Variants in STK3 observed in about 807,000 individuals in gnomAD.
STK3 encodes the protein serine/threonine-protein kinase 3.
A neutral mutation model predicts 58.0 loss-of-function variants in STK3; 41 were observed. That is an observed-to-expected ratio of 0.71 (90% CI 0.55 to 0.92). The LOEUF is 0.92. Among genes scored for constraint, STK3 ranks in the 40% least tolerant of loss-of-function variants. The pLI is 0.00. For missense variants in STK3, 479 were observed against 602.7 expected, an observed-to-expected ratio of 0.79 and a Z score of 2.15; for synonymous variants, 170 against 191.0, an observed-to-expected ratio of 0.89 and a Z score of 0.91.
chr8:98,887,980 A>T (rs1435378489), intron 1 of STK3, among the ~76,000 whole-genome samples: 1 of 152,182 alleles, frequency 6.6e-6, no homozygotes, highest in African/African-American at 2.4e-5. Flanking sequence ...GCTGGGGGGA[A>T]GCAGAGGGAT....
intron 6 of STK3, among the ~76,000 whole-genome samples, chr8:98,653,147 G>A (rs1821111171): frequency 6.6e-6 from 1 of 152,180 alleles, no homozygotes; most frequent in Non-Finnish European, 1.5e-5. Context: ...AGACCACAGT[G>A]CAATCAAACT....
chr8:98,493,888 T>A (rs138444677), intron 10 of STK3, among the ~76,000 whole-genome samples: 1 of 152,246 alleles, frequency 6.6e-6, no homozygotes, highest in Non-Finnish European at 1.5e-5. Context: ...TCAGGTAATC[T>A]GGGACTTATC....
intron 1 of STK3, among the ~76,000 whole-genome samples, chr8:98,775,799 TGAA>T (rs1831636981): frequency 6.6e-6 from 1 of 152,194 alleles, no homozygotes; most frequent in Middle Eastern, 3.4e-3. Context: ...GAAAACCAAA[TGAA>T]GATCTCAAAT....
At chr8:98,902,086 C>T (rs934358737) in intron 1 of STK3, among the ~76,000 whole-genome samples, 102 of 152,248 alleles carry the variant, frequency 6.7e-4, no homozygotes, top group African/African-American at 2.3e-3. Context: ...CATCCTCTCC[C>T]GCGCTTTCTT....
intron 10 of STK3, among the ~76,000 whole-genome samples, chr8:98,465,265 G>A (rs1271118570): frequency 6.6e-6 from 1 of 152,100 alleles, no homozygotes; most frequent in Non-Finnish European, 1.5e-5. Context: ...TGCTTATGTA[G>A]GCCCTCAAAG....
At chr8:98,529,174 T>C (rs1304613686) in intron 9 of STK3, among the ~76,000 whole-genome samples, 2 of 152,224 alleles carry the variant, frequency 1.3e-5, no homozygotes, top group African/African-American at 2.4e-5. Context: ...AAAGAAAGCA[T>C]GTTAAGACTT....
chr8:98,700,980 G>A (rs1301167997), intron 6 of STK3, among the ~76,000 whole-genome samples: 1 of 152,194 alleles, frequency 6.6e-6, no homozygotes, highest in Non-Finnish European at 1.5e-5. Flanking sequence ...TCCAGCCTGG[G>A]TGACACAGCG....
At chr8:98,431,507 C>G (rs1384625895) in intron 3 of STK3, 2 of 167,102 alleles carry the variant, frequency 1.2e-5, no homozygotes, top group East Asian at 3.8e-4. Context: ...TCATCCCCAG[C>G]TGCACTGAAG....
At chr8:98,846,498 A>G (rs1010525745) in intron 3 of STK3, among the ~76,000 whole-genome samples, 5 of 152,208 alleles carry the variant, frequency 3.3e-5, no homozygotes, top group Non-Finnish European at 5.9e-5. Context: ...GCCGCAGTGA[A>G]CAAAACATAC....
chr8:98,900,697 T>C (rs1838624343), intron 1 of STK3, among the ~76,000 whole-genome samples: 2 of 151,634 alleles, frequency 1.3e-5, no homozygotes, highest in African/African-American at 2.4e-5. Flanking sequence ...GGTCTTGCTC[T>C]GTCACCCAGG....
chr8:98,797,872 T>C (rs1333352761), intron 1 of STK3, among the ~76,000 whole-genome samples: 1 of 152,164 alleles, frequency 6.6e-6, no homozygotes, highest in Non-Finnish European at 1.5e-5. Context: ...TTAAAGATAT[T>C]AGCAAAAGAA....
intron 10 of STK3, among the ~76,000 whole-genome samples, chr8:98,522,957 G>T (rs1825474729): frequency 6.6e-6 from 1 of 152,032 alleles, no homozygotes; most frequent in African/African-American, 2.4e-5. Flanking sequence ...ATGGACACTT[G>T]GGTTGCTTCT....
chr8:98,781,881 C>T (rs1691086092), intron 1 of STK3, among the ~76,000 whole-genome samples: 1 of 151,696 alleles, frequency 6.6e-6, no homozygotes, highest in Non-Finnish European at 1.5e-5. Context: ...GACCCAGAAA[C>T]GAGGTGGTGA....
chr8:98,838,074 C>CAAAAAAAA (rs58973724), intron 3 of STK3, among the ~76,000 whole-genome samples: 435 of 58,730 alleles, frequency 7.4e-3, no homozygotes, highest in African/African-American at 0.013. Flanking sequence ...ACTAAAAATA[C>CAAAAAAAA]AAAAAAAAAA....
intron 6 of STK3, among the ~76,000 whole-genome samples, chr8:98,675,474 G>A (rs1473922803): frequency 1.3e-5 from 2 of 152,110 alleles, no homozygotes; most frequent in African/African-American, 4.8e-5. Context: ...GCTGAGCTAT[G>A]GAAAAACAGT....
the STK3 span, among the ~76,000 whole-genome samples, chr8:98,362,378 C>T: frequency 2.0e-4 from 30 of 152,182 alleles, no homozygotes; most frequent in South Asian, 1.5e-3. Context: ...TGGGTGCTGG[C>T]GTGCCACTGT....
In STK3 at chr8:98,858,313, T is replaced by TAG. The variant is rs1328089187; in HGVS notation, c.110+25333_110+25334insCT. On this transcript the variant is annotated intron_variant, in intron 3 of 12. Coordinates refer to the STK3 transcript ENST00000523601. ...ACGTATATATATATATATATATATA[T>TAG]ATATATATATAGAGAGAGAGAGAGA... 3.7e-3 allele frequency among the ~76,000 whole-genome samples: 238 copies of TAG among 64,674 alleles called. 2 individuals are homozygous for TAG. The highest frequency in any genetic ancestry group is 5.6e-3 in the Non-Finnish European group (184 of 32,730). 42.4% of individuals were successfully genotyped at this position (64,674 alleles called of 152,430 possible).
chr8:98,620,683 A>T (rs918269149), intron 6 of STK3, among the ~76,000 whole-genome samples: 1 of 151,496 alleles, frequency 6.6e-6, no homozygotes, highest in Non-Finnish European at 1.5e-5. Context: ...AGAAAATAAT[A>T]AAGAGTAGAA....
At chr8:98,362,559 C>A in the STK3 span, among the ~76,000 whole-genome samples, 82 of 152,274 alleles carry the variant, frequency 5.4e-4, no homozygotes, top group African/African-American at 1.9e-3. Flanking sequence ...TCCCTGAAGT[C>A]AAATCTGCAT....
Sources: gnomAD v4.1 joint callset for allele counts (sites outside exome capture counted in the v4.1 genomes callset) on GRCh38, gnomAD v4.1.1 for gene constraint, MANE v1.5 for transcripts, NCBI Gene and HGNC (gene_info 2026-07-23, HGNC 2026-07-21) for gene names.